The following SELENOI variants were observed in gnomAD, a reference collection of about 807,000 sequenced individuals.
SELENOI encodes selenoprotein I, also known as ethanolaminephosphotransferase 1.
A neutral mutation model predicts 50.7 loss-of-function variants in SELENOI; 24 were observed. The observed-to-expected ratio is 0.47, with a 90% CI of 0.34 to 0.67. The LOEUF is 0.67. SELENOI is among the 30% of genes least tolerant of loss of function. SELENOI has a pLI of 0.01. For missense variants in SELENOI, 352 were observed against 461.4 expected, an observed-to-expected ratio of 0.76 and a Z score of 2.17; for synonymous variants, 155 against 170.2, an observed-to-expected ratio of 0.91 and a Z score of 0.70.
chr2:26,351,453 G>A (rs568253273), intron 1 of SELENOI, among the ~76,000 whole-genome samples: 42 of 152,308 alleles, frequency 2.8e-4, no homozygotes, highest in African/African-American at 9.6e-4. Flanking sequence ...TACCGAATGC[G>A]TGTTGCCTTT....
rs144163528 is a variant in SELENOI at position 26,352,265 on chromosome 2, C to G, written c.57+5976C>G. Among the ~76,000 whole-genome samples, 13 of 152,274 alleles carry G rather than the reference C, an allele frequency of 8.5e-5. No individual in the cohort carries two copies. The East Asian group carries it at 2.3e-3, about 27-fold the overall frequency. On this transcript the variant is annotated intron_variant, in intron 1 of 9. Transcript: ENST00000260585. ...TCACATTTCAATTTTAGGAAGCTCA[C>G]TCTGGCAGCGTGTAGAAGATGGAGA...
intron 4 of SELENOI, among the ~76,000 whole-genome samples, chr2:26,371,425 C>T (rs370823170): frequency 2.7e-5 from 4 of 150,648 alleles, no homozygotes; most frequent in East Asian, 4.0e-4. Flanking sequence ...TGATGGCGGC[C>T]GGGAAGAGGC....
chr2:26,351,736 C>G (rs1416521768), intron 1 of SELENOI, among the ~76,000 whole-genome samples: 1 of 152,174 alleles, frequency 6.6e-6, no homozygotes, highest in Non-Finnish European at 1.5e-5. Context: ...CTGTAGATCA[C>G]TGTGTGGTTC....
At chr2:26,371,470 A>C (rs1677444696) in intron 4 of SELENOI, among the ~76,000 whole-genome samples, 1 of 152,196 alleles carries the variant, frequency 6.6e-6, no homozygotes, top group Non-Finnish European at 1.5e-5. Context: ...GCGGCCGGGC[A>C]GAGGCTGCAA....
chr2:26,359,557 C>T (rs1299286778), intron 1 of SELENOI, among the ~76,000 whole-genome samples: 4 of 151,978 alleles, frequency 2.6e-5, no homozygotes, highest in African/African-American at 7.2e-5. Flanking sequence ...GCAGGAGAAT[C>T]GTTTGAACCC....
intron 1 of SELENOI, among the ~76,000 whole-genome samples, chr2:26,356,953 C>T (rs1276376056): frequency 1.3e-5 from 2 of 152,008 alleles, no homozygotes; most frequent in African/African-American, 2.4e-5. Flanking sequence ...TACATCCCTA[C>T]CTCCACACAC....
intron 6 of SELENOI, among the ~76,000 whole-genome samples, chr2:26,379,779 G>A (rs1258995779): frequency 6.6e-6 from 1 of 152,028 alleles, no homozygotes; most frequent in Non-Finnish European, 1.5e-5. Flanking sequence ...TAATTCCAAA[G>A]CAAATTTGGT....
At chr2:26,353,565 T>C (rs1677002484) in intron 1 of SELENOI, among the ~76,000 whole-genome samples, 1 of 152,196 alleles carries the variant, frequency 6.6e-6, no homozygotes, top group African/African-American at 2.4e-5. Context: ...CTTGACTAGA[T>C]TTGGGGAACT....
chr2:26,387,977 C>G (rs1677882122), intron 9 of SELENOI, among the ~76,000 whole-genome samples: 1 of 152,126 alleles, frequency 6.6e-6, no homozygotes, highest in South Asian at 2.1e-4. Flanking sequence ...AACTTTATAC[C>G]TTGCATATGT....
chr2:26,389,098 C>G lies in SELENOI; in HGVS notation c.1189C>G (p.Leu397Val), dbSNP rs1265214676. The G allele has an allele frequency of 2.6e-6, 4 of 1,563,078 alleles. No homozygotes were observed. The highest frequency in any genetic ancestry group is 3.5e-6 in the Non-Finnish European group (4 of 1,150,284). ...ULGMEEKNIGL is the reference protein window; with the variant it reads ...ULGMEEKNIGV ...AGGAATGGAAGAAAAGAATATTGGCCTGTAATAATCTTTCTTTGGGCACAA... is the reference window on the plus strand; with the variant it reads ...AGGAATGGAAGAAAAGAATATTGGCGTGTAATAATCTTTCTTTGGGCACAA... Residue 397 changes from leucine (L) to valine (V), a missense_variant, in exon 10 of 10, where the codon CTG becomes GTG. Leu to Val is a conservative substitution (Grantham distance 32, BLOSUM62 1). Coordinates refer to ENST00000260585, the MANE Select transcript of SELENOI (RefSeq NM_033505.4).
intron 6 of SELENOI, among the ~76,000 whole-genome samples, chr2:26,379,269 A>G (rs1000250235): frequency 3.3e-5 from 5 of 152,216 alleles, no homozygotes; most frequent in Admixed American, 3.3e-4. Flanking sequence ...TCTAAAATAA[A>G]TAACTAATTA....
At chr2:26,363,630 G>A (rs1368613966) in intron 1 of SELENOI, among the ~76,000 whole-genome samples, 1 of 152,104 alleles carries the variant, frequency 6.6e-6, no homozygotes, top group Non-Finnish European at 1.5e-5. Context: ...CTGCGATTTG[G>A]GTTGATCTTT....
In SELENOI at chr2:26,367,133, C is replaced by G; in HGVS notation, c.236-13C>G. 6.2e-7 allele frequency: 1 copy of G among 1,602,826 alleles called. No individual in the cohort carries two copies. The highest frequency in any genetic ancestry group is 1.7e-5 in the Admixed American group (1 of 58,358). ...TTAAACTGTATTAAAATCTTAGTTG[C>G]TTTCCTTTTCAGCACCAGGTCACAA... is the stretch of plus-strand genomic sequence containing the variant. On this transcript the variant is annotated splice_polypyrimidine_tract_variant and intron_variant, in intron 3 of 9. Coordinates refer to ENST00000260585, the MANE Select transcript of SELENOI (RefSeq NM_033505.4).
intron 1 of SELENOI, among the ~76,000 whole-genome samples, chr2:26,351,384 A>G (rs558087379): frequency 2.6e-5 from 4 of 152,184 alleles, no homozygotes; most frequent in Non-Finnish European, 4.4e-5. Context: ...TGCATTACTG[A>G]CTAGGAGCTG....
rs1175602442 is a variant in SELENOI at position 26,392,896 on chromosome 2, CT to C, written c.*3796del. 6.6e-6 allele frequency: 1 copy of C among 152,192 alleles called. No homozygotes were observed. Among genetic ancestry groups the C allele is most frequent in the Non-Finnish European group, 1.5e-5 (1 of 68,036 alleles). 9.4% of individuals were successfully genotyped at this position (152,192 alleles called of 1,614,324 possible). A position where few individuals can be genotyped will look rare whatever the true frequency, so the allele number is the denominator to read the frequency against. On this transcript the variant is annotated 3_prime_UTR_variant, in exon 10 of 10. Coordinates refer to ENST00000260585, the MANE Select transcript of SELENOI (RefSeq NM_033505.4). The stretch of plus-strand genomic sequence containing the variant: ...GCTTGAACACCCTGTGGGTGAATAA[CT>C]TTAGTAAGTTAGCTGCCAGCATTAG...
chr2:26,349,325 A>ATTT (rs1676901326), intron 1 of SELENOI, among the ~76,000 whole-genome samples: 1 of 55,472 alleles, frequency 1.8e-5, no homozygotes, highest in African/African-American at 9.4e-5. Context: ...TTTTTTTTTG[A>ATTT]GATGGAGTTT....
intron 1 of SELENOI, among the ~76,000 whole-genome samples, chr2:26,362,907 C>T (rs576264411): frequency 4.6e-5 from 7 of 152,228 alleles, no homozygotes; most frequent in Admixed American, 2.6e-4. Context: ...CAAGACTTGT[C>T]TGTTACCAGT....
At chr2:26,361,332 C>T (rs1677173347) in intron 1 of SELENOI, among the ~76,000 whole-genome samples, 1 of 152,220 alleles carries the variant, frequency 6.6e-6, no homozygotes, top group South Asian at 2.1e-4. Flanking sequence ...CGAGGGGCGA[C>T]TGTATATACT....
At chr2:26,348,996 C>CTGTTTTT (rs1676887965) in intron 1 of SELENOI, among the ~76,000 whole-genome samples, 1 of 57,690 alleles carries the variant, frequency 1.7e-5, no homozygotes, top group Non-Finnish European at 3.6e-5. Flanking sequence ...TTTGGACAGG[C>CTGTTTTT]TTTTTTTTTT....
Sources: allele counts gnomAD v4.1 joint callset (sites outside exome capture counted in the v4.1 genomes callset), GRCh38; gene constraint gnomAD v4.1.1; transcripts MANE v1.5; gene names NCBI Gene and HGNC (gene_info 2026-07-23, HGNC 2026-07-21).